The following CAPN13 variants were observed in gnomAD, a reference collection of about 807,000 sequenced individuals.
The protein encoded by CAPN13 is calpain 13.
A neutral mutation model predicts 98.4 loss-of-function variants in CAPN13; 90 were observed. The ratio of observed to expected loss-of-function variants is 0.92; its 90% CI spans 0.77 to 1.09. CAPN13 has a LOEUF of 1.09. CAPN13 is among the 50% of genes least tolerant of loss of function. CAPN13 has a pLI of 0.00. For missense variants in CAPN13, 887 were observed against 841.3 expected (o/e 1.05, Z -0.67); for synonymous variants, 330 against 305.5 (o/e 1.08, Z -0.84).
At chr2:30,727,800 A>G (rs916887242) in intron 22 of CAPN13, among the ~76,000 whole-genome samples, 5 of 152,202 alleles carry the variant, frequency 3.3e-5, no homozygotes, top group African/African-American at 1.2e-4. Flanking sequence ...AGTTCCACTC[A>G]TAACTATACA....
intron 1 of CAPN13, among the ~76,000 whole-genome samples, chr2:30,800,124 G>GAAAGA (rs1553322212): frequency 9.1e-6 from 1 of 110,086 alleles, no homozygotes; most frequent in East Asian, 2.6e-4. Context: ...AGAAAAGAAA[G>GAAAGA]AAAGAAAGAA....
chr2:30,759,660 C>T (rs1049798694), intron 7 of CAPN13, among the ~76,000 whole-genome samples: 1 of 152,190 alleles, frequency 6.6e-6, no homozygotes, highest in Non-Finnish European at 1.5e-5. Context: ...GCTAAGGAAA[C>T]GGCACTAGAG....
At chr2:30,724,530 G>A (rs1418811737) in intron 22 of CAPN13, among the ~76,000 whole-genome samples, 1 of 152,128 alleles carries the variant, frequency 6.6e-6, no homozygotes, top group Non-Finnish European at 1.5e-5. Context: ...CTGTTTCCCG[G>A]ATTCCAACTC....
chr2:30,735,995 A>G (rs1452191868), intron 18 of CAPN13, among the ~76,000 whole-genome samples: 1 of 152,010 alleles, frequency 6.6e-6, no homozygotes, highest in Non-Finnish European at 1.5e-5. Context: ...CTTGTATTGG[A>G]GTCTAAAGGA....
At chr2:30,777,778 G>A (rs954609669) in intron 2 of CAPN13, 139 bp from the exon 3 acceptor site, 53 of 718,294 alleles carry the variant, frequency 7.4e-5, no homozygotes, top group Middle Eastern at 2.3e-4. Flanking sequence ...AGTTCACCAC[G>A]TTCTTCAGCC....
Position 30,738,238 on chromosome 2 carries a change from C to T in CAPN13, c.1650G>A (p.Met550Ile). The change falls in exon 17 of 23, where the codon ATG (methionine) becomes ATA (isoleucine). Residue 550 changes from methionine to isoleucine, a missense_variant. Transcript: ENST00000295055. ...GAGGGATGACCGCAAAGGATACTTC[C>T]ATCAGAGCCACCAAGCTGCGGCACT... ...LDECRSLVAL[M>I]ELKVNGRLDQ... The T allele has an allele frequency of 6.2e-7, 1 of 1,613,902 alleles. No homozygotes were observed. Among genetic ancestry groups the T allele is most frequent in the Non-Finnish European group, 8.5e-7 (1 of 1,179,868 alleles).
chr2:30,800,880 T>G (rs950624679), intron 1 of CAPN13, among the ~76,000 whole-genome samples: 1 of 152,174 alleles, frequency 6.6e-6, no homozygotes, highest in Non-Finnish European at 1.5e-5. Context: ...AGAGCATTCT[T>G]TTTTCTGGGA....
intron 1 of CAPN13, among the ~76,000 whole-genome samples, chr2:30,787,676 A>G (rs1674370151): frequency 2.0e-5 from 3 of 152,192 alleles, no homozygotes; most frequent in Admixed American, 2.0e-4. Context: ...TTAAAAAGGT[A>G]TCCACAGCTT....
chr2:30,798,907 G>C, intron 1 of CAPN13, among the ~76,000 whole-genome samples: 1 of 152,166 alleles, frequency 6.6e-6, no homozygotes, highest in Non-Finnish European at 1.5e-5. Flanking sequence ...GTGGGGGAAG[G>C]GGCCTGTGCA....
At chr2:30,745,162 G>T (rs1281544376) in intron 12 of CAPN13, 4 of 471,044 alleles carry the variant, frequency 8.5e-6, no homozygotes, top group Non-Finnish European at 1.8e-5. Flanking sequence ...CAGAGAGGTG[G>T]GTCTGAGTGC....
At chr2:30,733,556 A>T (rs971582783) in intron 19 of CAPN13, among the ~76,000 whole-genome samples, 10 of 152,100 alleles carry the variant, frequency 6.6e-5, no homozygotes, top group African/African-American at 2.4e-4. Context: ...GGAGCTTGTT[A>T]GAAATGCAAA....
In CAPN13 at chr2:30,754,194, A is replaced by G. The variant is rs186561416; in HGVS notation, c.941+96T>C. The G allele has an allele frequency of 8.9e-6, 9 of 1,006,012 alleles. No homozygotes were observed. The East Asian group carries it at 9.1e-5, about 10-fold the overall frequency. 62.3% of individuals were successfully genotyped at this position (1,006,012 alleles called of 1,614,324 possible). ...CCTCTAAACAGGTCTCTGCAAAGCT[A>G]TTTTCCACCTTCGTAAATGTTCAGG... On this transcript the variant is annotated intron_variant, in intron 9 of 22. Transcript: ENST00000295055.
Position 30,777,601 on chromosome 2 carries a change from A to G in CAPN13, c.237T>C (p.Asp79=). ...CTTGTTGGATGTCAAATCTGCTTAT[A>G]TCATCCAGGATGAAGTGAGGAGGAC... ...PGGPPHFILD[D]ISRFDIQQGG... The change falls in exon 3 of 23, where the codon GAT becomes GAC. Residue 79 remains aspartate (D), a synonymous_variant. Coordinates refer to ENST00000295055, the MANE Select transcript of CAPN13 (RefSeq NM_144575.3). 1 of 1,581,158 alleles carries G rather than the reference A, an allele frequency of 6.3e-7. No individual in the cohort carries two copies. The highest frequency in any genetic ancestry group is 8.6e-7 in the Non-Finnish European group (1 of 1,162,032).
Position 30,731,349 on chromosome 2 carries a change from T to C in CAPN13, c.1978A>G (p.Met660Val). Residue 660 changes from methionine to valine, a missense_variant, in exon 21 of 23, where the codon ATG (methionine) becomes GTG (valine). Transcript: ENST00000295055. The stretch of plus-strand genomic sequence containing the variant: ...GGGAGGGGAAGGTACCTCACCTCCA[T>C]TTCTGTCAGGTAGAGTCCTTTTCCA... ...KDGKGLYLTEMEWMSLVMYN is the reference protein window; with the variant it reads ...KDGKGLYLTEVEWMSLVMYN The C allele has an allele frequency of 6.2e-7, 1 of 1,609,938 alleles. No homozygotes were observed.
intron 1 of CAPN13, among the ~76,000 whole-genome samples, chr2:30,802,565 A>C: frequency 6.9e-6 from 1 of 144,930 alleles, no homozygotes; most frequent in African/African-American, 2.6e-5. Flanking sequence ...TGGTGGTTAG[A>C]CCTCTGAGGT....
At chr2:30,740,916 G>C (rs1671619702) in intron 15 of CAPN13, among the ~76,000 whole-genome samples, 1 of 152,182 alleles carries the variant, frequency 6.6e-6, no homozygotes, top group Non-Finnish European at 1.5e-5. Context: ...CTCTGGGGGA[G>C]GTGATCTGTC....
intron 2 of CAPN13, among the ~76,000 whole-genome samples, chr2:30,779,900 C>T (rs909431387): frequency 1.3e-5 from 2 of 152,072 alleles, no homozygotes; most frequent in Non-Finnish European, 2.9e-5. Context: ...TTTGCACCAA[C>T]CTAATATTTG....
At chr2:30,762,609 A>G (rs1462418153) in intron 7 of CAPN13, among the ~76,000 whole-genome samples, 1 of 152,180 alleles carries the variant, frequency 6.6e-6, no homozygotes. Context: ...CATGTCGAGG[A>G]TGGCAGAGCC....
In CAPN13 at chr2:30,743,433, T is replaced by A; in HGVS notation, c.1395A>T (p.Lys465Asn). 6.2e-7 allele frequency: 1 copy of A among 1,613,996 alleles called. No individual in the cohort carries two copies. Among genetic ancestry groups the A allele is most frequent in the South Asian group, 1.1e-5 (1 of 91,088 alleles). ...NYVVVAQTRRKSAEFLLRIFL... is the reference protein window; with the variant it reads ...NYVVVAQTRRNSAEFLLRIFL... ...AGATTCGGAGCAAGAACTCCGCTGA[T>A]TTTCTCCGTGTCTGTGCAACCACAA... The change falls in exon 13 of 23, where the codon AAA (lysine) becomes AAT (asparagine). Residue 465 changes from lysine to asparagine, a missense_variant. Lys to Asn is a moderately conservative substitution (Grantham distance 94). Coordinates refer to ENST00000295055, the MANE Select transcript of CAPN13 (RefSeq NM_144575.3).
Sources: allele counts gnomAD v4.1 joint callset (sites outside exome capture counted in the v4.1 genomes callset), GRCh38; gene constraint gnomAD v4.1.1; transcripts MANE v1.5; gene names NCBI Gene and HGNC (gene_info 2026-07-23, HGNC 2026-07-21).